The following LRP1B variants were observed in gnomAD, a reference collection of about 807,000 sequenced individuals.
LRP1B encodes low-density lipoprotein receptor-related protein 1B.
LRP1B carries 217 observed loss-of-function variants against 556.6 expected under a neutral mutation model. That is an observed-to-expected ratio of 0.39 (90% CI 0.35 to 0.44). The LOEUF is 0.44. Ranked by LOEUF, LRP1B falls within the 20% of genes least tolerant of loss-of-function variation. LRP1B has a pLI of 1.00. For synonymous variants in LRP1B, 2,047 were observed against 1,865.8 expected (o/e 1.10, Z -2.50); for missense variants, 5,053 against 5,620.8 (o/e 0.90, Z 3.23).
At chr2:141,244,950 A>G (rs1684012776) in intron 5 of LRP1B, among the ~76,000 whole-genome samples, 1 of 152,190 alleles carries the variant, frequency 6.6e-6, no homozygotes, top group South Asian at 2.1e-4. Context: ...TTCTAGAGTC[A>G]TCAAACTTCC....
At position 141,096,854 on chromosome 2, in the gene LRP1B, C is replaced by T. The variant is rs1177804177; in HGVS notation, c.1014-34581G>A. Among the ~76,000 whole-genome samples the T allele has an allele frequency of 4.6e-5, 7 of 152,104 alleles. No homozygotes were observed. In the South Asian group the frequency reaches 6.2e-4, roughly 14 times the overall value. ...AGACCTGTAAAAAGAAATACACTTCCGGAGGCCTGTAGAAAGTGTGTAGTT... is the reference window on the plus strand; with the variant it reads ...AGACCTGTAAAAAGAAATACACTTCTGGAGGCCTGTAGAAAGTGTGTAGTT... On this transcript the variant is annotated intron_variant, in intron 7 of 90. Transcript: ENST00000389484.
At chr2:141,582,012 G>A (rs888967236) in intron 2 of LRP1B, among the ~76,000 whole-genome samples, 1 of 152,200 alleles carries the variant, frequency 6.6e-6, no homozygotes, top group Non-Finnish European at 1.5e-5. Flanking sequence ...ATTCAAAAGA[G>A]TAATGTCAAA....
At chr2:140,370,957 C>T (rs1682967811) in intron 70 of LRP1B, 115 bp from the exon 71 acceptor site, 4 of 1,155,472 alleles carry the variant, frequency 3.5e-6, no homozygotes, top group South Asian at 3.1e-5. Context: ...GGCTTTCTTT[C>T]ATTTTGTCTT....
intron 18 of LRP1B, among the ~76,000 whole-genome samples, chr2:140,971,507 T>C (rs150589229): frequency 3.2e-4 from 48 of 152,258 alleles, no homozygotes; most frequent in African/African-American, 1.1e-3. Flanking sequence ...GTAGAAAATG[T>C]TAAAACCACA....
intron 3 of LRP1B, among the ~76,000 whole-genome samples, chr2:141,322,201 T>C (rs1006088383): frequency 1.3e-5 from 2 of 152,172 alleles, no homozygotes; most frequent in East Asian, 3.9e-4. Context: ...TATCAATCCA[T>C]GACAAGAGAG....
rs75832122 is a variant in LRP1B at position 140,478,610 on chromosome 2, T to C, written c.9426-3273A>G. Among the ~76,000 whole-genome samples, 1,300 of 152,232 alleles carry C rather than the reference T, an allele frequency of 8.5e-3. 28 individuals carry two copies. The highest frequency in any genetic ancestry group is 0.028 in the African/African-American group (1,151 of 41,534). ...TTTCTAGATTCGTACACTGACTTCT[T>C]TTCTAACAAGCACTATATAGCATCT... On this transcript the variant is annotated intron_variant, in intron 59 of 90. Coordinates refer to ENST00000389484, the MANE Select transcript of LRP1B (RefSeq NM_018557.3).
intron 59 of LRP1B, among the ~76,000 whole-genome samples, chr2:140,483,615 C>CACATATATATATAT (rs1403726877): frequency 2.8e-4 from 25 of 88,340 alleles, no homozygotes; most frequent in South Asian, 4.1e-4. Flanking sequence ...CACACACACA[C>CACATATATATATAT]ATATATATAT....
intron 1 of LRP1B, among the ~76,000 whole-genome samples, chr2:141,839,601 AGC>A: frequency 6.6e-6 from 1 of 152,196 alleles, no homozygotes; most frequent in Non-Finnish European, 1.5e-5. Context: ...GTTAGGCTTA[AGC>A]GGTGGTTCCT....
chr2:140,268,746 G>T (rs187829885), intron 86 of LRP1B, among the ~76,000 whole-genome samples: 1 of 151,862 alleles, frequency 6.6e-6, no homozygotes, highest in African/African-American at 2.4e-5. Context: ...AATCAAGAAA[G>T]AATGACTTAA....
At position 141,571,094 on chromosome 2, in the gene LRP1B, C is replaced by T. The variant is rs1686511574; in HGVS notation, c.206-90561G>A. 1.3e-5 allele frequency among the ~76,000 whole-genome samples: 2 copies of T among 151,230 alleles called. 1 individual carries two copies. Among genetic ancestry groups the T allele is most frequent in the Non-Finnish European group, 3.0e-5 (2 of 67,454 alleles). The stretch of plus-strand genomic sequence containing the variant: ...AAACGGGTCCTGTGCCCTGTGCCAC[C>T]CAACTGGGTGAGACGCTCCAACAGG... On this transcript the variant is annotated intron_variant, in intron 2 of 90. Transcript: ENST00000389484.
intron 2 of LRP1B, among the ~76,000 whole-genome samples, chr2:141,544,412 CT>C (rs1275601868): frequency 2.3e-5 from 2 of 86,292 alleles, no homozygotes; most frequent in Non-Finnish European, 2.7e-5. Flanking sequence ...CCTCCTCCTC[CT>C]TCTCCTCCTT....
At chr2:141,133,465 A>G (rs928844030) in intron 7 of LRP1B, among the ~76,000 whole-genome samples, 2 of 152,022 alleles carry the variant, frequency 1.3e-5, no homozygotes, top group African/African-American at 2.4e-5. Context: ...AAATTCCTCA[A>G]CTGCTCTTTT....
chr2:142,126,435 A>T (rs1707654146), intron 1 of LRP1B, among the ~76,000 whole-genome samples: 1 of 151,870 alleles, frequency 6.6e-6, no homozygotes, highest in African/African-American at 2.4e-5. Flanking sequence ...AAACACACAC[A>T]GAGAGAGATT....
intron 37 of LRP1B, among the ~76,000 whole-genome samples, chr2:140,710,116 C>A (rs1388341732): frequency 6.6e-6 from 1 of 151,940 alleles, no homozygotes; most frequent in Non-Finnish European, 1.5e-5. Flanking sequence ...GTTTTGTGGA[C>A]TCACATACAA....
intron 41 of LRP1B, among the ~76,000 whole-genome samples, chr2:140,698,861 A>G (rs1294338404): frequency 6.6e-6 from 1 of 152,046 alleles, no homozygotes; most frequent in Non-Finnish European, 1.5e-5. Context: ...GTCATTTGAA[A>G]ATATTGGTTC....
intron 2 of LRP1B, among the ~76,000 whole-genome samples, chr2:141,524,598 T>G (rs1382124203): frequency 6.6e-6 from 1 of 152,078 alleles, no homozygotes; most frequent in Non-Finnish European, 1.5e-5. Context: ...GTCATTAGTG[T>G]TGGTGTATTT....
intron 18 of LRP1B, among the ~76,000 whole-genome samples, chr2:140,973,361 A>G (rs1048446761): frequency 1.3e-5 from 2 of 152,036 alleles, no homozygotes; most frequent in Admixed American, 1.3e-4. Flanking sequence ...AGACATCAGT[A>G]CTATGATGGA....
chr2:140,492,699 C>T lies in LRP1B; in HGVS notation c.9035-6G>A. On this transcript the variant is annotated splice_polypyrimidine_tract_variant and splice_region_variant and intron_variant, in intron 56 of 90. Transcript: ENST00000389484. ...AATTAAAAAAGGTTCTTCATCTAAA[C>T]ACCAACACAAATAACATATTAGACT... 1.3e-6 allele frequency: 2 copies of T among 1,587,998 alleles called. No homozygotes were observed. Among genetic ancestry groups the T allele is most frequent in the Non-Finnish European group, 1.7e-6 (2 of 1,156,532 alleles).
chr2:140,607,012 G>T (rs1322757383), intron 41 of LRP1B, among the ~76,000 whole-genome samples: 1 of 152,036 alleles, frequency 6.6e-6, no homozygotes, highest in Non-Finnish European at 1.5e-5. Context: ...CTGACAGAAT[G>T]GGAGACAATA....
Sources: allele counts gnomAD v4.1 joint callset (sites outside exome capture counted in the v4.1 genomes callset), GRCh38; gene constraint gnomAD v4.1.1; transcripts MANE v1.5; gene names NCBI Gene and HGNC (gene_info 2026-07-23, HGNC 2026-07-21).